ERBB4: variants seen among roughly 807,000 people sequenced by gnomAD.
The protein encoded by ERBB4 is receptor tyrosine-protein kinase erbB-4.
Under a neutral mutation model 158.0 loss-of-function variants are expected in ERBB4, and 42 were observed. The observed-to-expected ratio is 0.27, with a 90% CI of 0.21 to 0.34. The LOEUF is 0.34. Ranked by LOEUF, ERBB4 falls within the 10% of genes least tolerant of loss-of-function variation. The pLI, the probability that ERBB4 is intolerant of heterozygous loss-of-function variation, is 1.00. For synonymous variants in ERBB4, 583 were observed against 558.7 expected, an observed-to-expected ratio of 1.04 and a Z score of -0.61; for missense variants, 1,333 against 1,624.1, an observed-to-expected ratio of 0.82 and a Z score of 3.08.
At chr2:212,219,694 C>A (rs1340554422) in intron 1 of ERBB4, among the ~76,000 whole-genome samples, 1 of 151,274 alleles carries the variant, frequency 6.6e-6, no homozygotes, top group East Asian at 1.9e-4. Context: ...CACACACACA[C>A]CCCATATCCT....
chr2:211,682,091 C>CACAA (rs1439065161), intron 12 of ERBB4, among the ~76,000 whole-genome samples: 3 of 136,638 alleles, frequency 2.2e-5, no homozygotes, highest in South Asian at 5.1e-4. Flanking sequence ...CACACACACA[C>CACAA]AATTGGCTCA....
At chr2:212,452,655 T>C (rs1026754614) in intron 1 of ERBB4, among the ~76,000 whole-genome samples, 1 of 152,114 alleles carries the variant, frequency 6.6e-6, no homozygotes, top group Non-Finnish European at 1.5e-5. Context: ...ACAAACAATA[T>C]GTATAAAAAT....
At chr2:211,594,466 A>C (rs1457389002) in intron 19 of ERBB4, among the ~76,000 whole-genome samples, 1 of 152,028 alleles carries the variant, frequency 6.6e-6, no homozygotes, top group Admixed American at 6.6e-5. Context: ...AAAAAAAAAA[A>C]CTAAGCAATA....
At chr2:212,277,877 T>C (rs561487108) in intron 1 of ERBB4, among the ~76,000 whole-genome samples, 1 of 151,892 alleles carries the variant, frequency 6.6e-6, no homozygotes, top group African/African-American at 2.4e-5. Flanking sequence ...AGTATGATTA[T>C]GTTTCAGGTT....
At chr2:211,926,050 CA>C (rs893156986) in intron 3 of ERBB4, among the ~76,000 whole-genome samples, 1 of 151,928 alleles carries the variant, frequency 6.6e-6, no homozygotes, top group East Asian at 1.9e-4. Context: ...GAGGAAAAGA[CA>C]AAAAACAGCT....
chr2:211,447,588 T>G (rs1441223819), intron 20 of ERBB4, among the ~76,000 whole-genome samples: 1 of 152,198 alleles, frequency 6.6e-6, no homozygotes, highest in Non-Finnish European at 1.5e-5. Flanking sequence ...AGACACTGCT[T>G]AGAAATACAT....
At chr2:211,846,607 C>T (rs2077595367) in intron 3 of ERBB4, among the ~76,000 whole-genome samples, 1 of 152,048 alleles carries the variant, frequency 6.6e-6, no homozygotes, top group African/African-American at 2.4e-5. Context: ...ATAATTTGAC[C>T]ACCTGGAATT....
intron 19 of ERBB4, among the ~76,000 whole-genome samples, chr2:211,571,732 G>T (rs2067735113): frequency 6.6e-6 from 1 of 151,996 alleles, no homozygotes; most frequent in Non-Finnish European, 1.5e-5. Context: ...TTGAATATAT[G>T]GCTTATAAGA....
At chr2:212,035,133 A>G (rs2076984640) in intron 2 of ERBB4, among the ~76,000 whole-genome samples, 1 of 152,196 alleles carries the variant, frequency 6.6e-6, no homozygotes. Flanking sequence ...CTATTAAAAG[A>G]GTAGTCTCTC....
At chr2:212,041,452 G>C (rs887398444) in intron 2 of ERBB4, among the ~76,000 whole-genome samples, 1 of 151,892 alleles carries the variant, frequency 6.6e-6, no homozygotes, top group East Asian at 1.9e-4. Flanking sequence ...ACCATCTTTA[G>C]TTTCCAGAAT....
At chr2:211,842,685 G>A (rs532572674) in intron 3 of ERBB4, among the ~76,000 whole-genome samples, 10 of 151,894 alleles carry the variant, frequency 6.6e-5, no homozygotes, top group East Asian at 1.9e-4. Context: ...CTCACCTCCC[G>A]CCACTGACAC....
chr2:212,359,298 C>A (rs1020628422), intron 1 of ERBB4, among the ~76,000 whole-genome samples: 1 of 151,288 alleles, frequency 6.6e-6, no homozygotes, highest in Non-Finnish European at 1.5e-5. Context: ...CCATATATAT[C>A]TCCATCAATC....
chr2:212,320,784 T>A lies in ERBB4; in HGVS notation c.83-195881A>T, dbSNP rs374349509. Among the ~76,000 whole-genome samples, 5 of 150,416 alleles carry A rather than the reference T, an allele frequency of 3.3e-5. No homozygotes were observed. In the South Asian group the frequency reaches 1.1e-3, roughly 32 times the overall value. On this transcript the variant is annotated intron_variant, in intron 1 of 27. Transcript: ENST00000342788. Reference sequence around the variant, plus strand: ...TAGTAACAGGAGGATCATGATTACTTGCCCTATATAACCTCCCCGTGTTGT... The same window carrying A: ...TAGTAACAGGAGGATCATGATTACTAGCCCTATATAACCTCCCCGTGTTGT...
chr2:212,004,633 T>C (rs957701093), intron 2 of ERBB4, among the ~76,000 whole-genome samples: 1 of 152,106 alleles, frequency 6.6e-6, no homozygotes, highest in Non-Finnish European at 1.5e-5. Context: ...TTACCTGGCA[T>C]TGAATTGTAA....
chr2:212,530,933 T>G (rs1345471910), intron 1 of ERBB4, among the ~76,000 whole-genome samples: 1 of 152,226 alleles, frequency 6.6e-6, no homozygotes, highest in Admixed American at 6.5e-5. Flanking sequence ...ATGAAATATA[T>G]TATAAATCTT....
intron 2 of ERBB4, among the ~76,000 whole-genome samples, chr2:212,045,793 C>T (rs574052919): frequency 2.0e-4 from 30 of 152,294 alleles, no homozygotes; most frequent in African/African-American, 6.7e-4. Flanking sequence ...CTGAAATAAC[C>T]AAGAGTGACA....
chr2:212,154,039 G>A (rs2125634067), intron 1 of ERBB4, among the ~76,000 whole-genome samples: 1 of 152,158 alleles, frequency 6.6e-6, no homozygotes, highest in East Asian at 1.9e-4. Context: ...CCTCGTATAT[G>A]CCCCCTACCC....
At position 211,393,863 on chromosome 2, in the gene ERBB4, G is replaced by A. The variant is rs145705307; in HGVS notation, c.3136-5871C>T. ...TATACATTTACCTACCTCACCAAGA[G>A]CAAAGCCAGCCCTGAAGCAGGAGGA... On this transcript the variant is annotated intron_variant, in intron 25 of 27. Transcript: ENST00000342788. Among the ~76,000 whole-genome samples the A allele has an allele frequency of 4.8e-3, 735 of 151,660 alleles. 1 individual carries two copies. The highest frequency in any genetic ancestry group is 8.4e-3 in the Non-Finnish European group (571 of 67,904).
chr2:211,801,515 T>C (rs1213815416), intron 3 of ERBB4, among the ~76,000 whole-genome samples: 1 of 152,128 alleles, frequency 6.6e-6, no homozygotes, highest in Non-Finnish European at 1.5e-5. Context: ...ATTTTCTTTA[T>C]TTTATGTACA....
Sources: allele counts gnomAD v4.1 joint callset (sites outside exome capture counted in the v4.1 genomes callset), GRCh38; gene constraint gnomAD v4.1.1; transcripts MANE v1.5; gene names NCBI Gene and HGNC (gene_info 2026-07-23, HGNC 2026-07-21).